The following SMAD3 variants were observed in gnomAD, a reference collection of about 807,000 sequenced individuals.
SMAD3 encodes MAD homolog 3.
SMAD3 carries 12 observed loss-of-function variants against 51.8 expected under a neutral mutation model. The ratio of observed to expected loss-of-function variants is 0.23; its 90% CI spans 0.15 to 0.38. SMAD3 has a LOEUF of 0.38. SMAD3 is among the 10% of genes least tolerant of loss of function. The pLI, the probability that SMAD3 is intolerant of heterozygous loss-of-function variation, is 1.00. For missense variants in SMAD3, 294 were observed against 565.6 expected, an observed-to-expected ratio of 0.52 and a Z score of 4.87; for synonymous variants, 238 against 227.7, an observed-to-expected ratio of 1.05 and a Z score of -0.41.
At chr15:67,125,312 A>G (rs1961358324) in intron 1 of SMAD3, among the ~76,000 whole-genome samples, 1 of 152,240 alleles carries the variant, frequency 6.6e-6, no homozygotes, top group Non-Finnish European at 1.5e-5. Flanking sequence ...CAGTGTGTGT[A>G]CGGAGAGCCT....
At chr15:67,175,249 G>A (rs374808925) in intron 5 of SMAD3, among the ~76,000 whole-genome samples, 10 of 152,324 alleles carry the variant, frequency 6.6e-5, no homozygotes, top group African/African-American at 2.4e-4. Context: ...ACCAGGGAGA[G>A]CCCTGAGGGA....
intron 1 of SMAD3, among the ~76,000 whole-genome samples, chr15:67,092,432 G>C (rs1960526806): frequency 6.6e-6 from 1 of 152,198 alleles, no homozygotes; most frequent in Non-Finnish European, 1.5e-5. Flanking sequence ...GTGTGGCCCT[G>C]GGCCAGCAGC....
At chr15:67,074,233 G>C (rs1283134390) in intron 1 of SMAD3, among the ~76,000 whole-genome samples, 3 of 152,226 alleles carry the variant, frequency 2.0e-5, no homozygotes, top group Non-Finnish European at 4.4e-5. Flanking sequence ...ATGAAGATGT[G>C]GAGGCTGTGC....
chr15:67,125,361 A>G (rs183485045), intron 1 of SMAD3, among the ~76,000 whole-genome samples: 1 of 152,306 alleles, frequency 6.6e-6, no homozygotes, highest in Admixed American at 6.5e-5. Context: ...TAGATCCACG[A>G]TCTTCTCTCT....
intron 1 of SMAD3, among the ~76,000 whole-genome samples, chr15:67,127,178 G>T (rs1211575056): frequency 2.6e-5 from 4 of 152,204 alleles, no homozygotes; most frequent in South Asian, 2.1e-4. Flanking sequence ...CCAAGCCGAG[G>T]TCGCTCCCCA....
intron 5 of SMAD3, among the ~76,000 whole-genome samples, chr15:67,175,988 C>T (rs750117782): frequency 3.9e-5 from 6 of 152,230 alleles, no homozygotes; most frequent in Admixed American, 3.9e-4. Context: ...GCTCTGTCTT[C>T]ATACTCCTGA....
intron 1 of SMAD3, chr15:67,146,021 G>C (rs1315214424): frequency 6.6e-6 from 1 of 152,214 alleles, no homozygotes; most frequent in Non-Finnish European, 1.5e-5. Context: ...TGTCCTACAG[G>C]ATTAAAGTAT....
chr15:67,183,345 AT>A (rs1326970271), intron 6 of SMAD3, among the ~76,000 whole-genome samples: 1 of 151,716 alleles, frequency 6.6e-6, no homozygotes, highest in African/African-American at 2.4e-5. Context: ...TGCCCGGCCT[AT>A]TTTTTTAAGT....
At chr15:67,180,428 T>C (rs1595955786) in intron 5 of SMAD3, among the ~76,000 whole-genome samples, 1 of 151,788 alleles carries the variant, frequency 6.6e-6, no homozygotes, top group Admixed American at 6.6e-5. Context: ...AACCAGCCCC[T>C]TGTAGAATGG....
At chr15:67,152,942 C>T (rs1475597544) in intron 1 of SMAD3, among the ~76,000 whole-genome samples, 1 of 152,180 alleles carries the variant, frequency 6.6e-6, no homozygotes, top group African/African-American at 2.4e-5. Context: ...GAGGGGCTCT[C>T]ACCACAGCCA....
intron 1 of SMAD3, among the ~76,000 whole-genome samples, chr15:67,115,509 G>A (rs1007515732): frequency 6.6e-6 from 1 of 152,150 alleles, no homozygotes; most frequent in Non-Finnish European, 1.5e-5. Flanking sequence ...GCTCAGAGCC[G>A]TGCTGGTTGC....
rs995376424 is a variant in SMAD3, at chr15:67,126,967, G to A, written c.207-37928G>A. The stretch of plus-strand genomic sequence containing the variant: ...GGACGAGGTGGGCACTCATTAGAGG[G>A]CAGCTCTTACGGCCACTGCCTGGTA... On this transcript the variant is annotated intron_variant, in intron 1 of 8. Coordinates refer to ENST00000327367, the MANE Select transcript of SMAD3 (RefSeq NM_005902.4). Among the ~76,000 whole-genome samples the A allele has an allele frequency of 1.2e-4, 19 of 152,210 alleles. 1 individual carries two copies. The highest frequency in any genetic ancestry group is 4.6e-4 in the African/African-American group (19 of 41,442).
At chr15:67,083,185 T>C (rs1595889705) in intron 1 of SMAD3, among the ~76,000 whole-genome samples, 1 of 152,366 alleles carries the variant, frequency 6.6e-6, no homozygotes, top group African/African-American at 2.4e-5. Context: ...TTTGCCTCAG[T>C]TCTGAAGTTA....
chr15:67,168,035 C>T (rs1180444156), intron 4 of SMAD3, among the ~76,000 whole-genome samples: 5 of 152,224 alleles, frequency 3.3e-5, no homozygotes, highest in African/African-American at 1.2e-4. Context: ...CTTACTGCAA[C>T]CTCTGCCTCC....
At chr15:67,150,655 T>A in intron 1 of SMAD3, among the ~76,000 whole-genome samples, 1 of 152,000 alleles carries the variant, frequency 6.6e-6, no homozygotes, top group Non-Finnish European at 1.5e-5. Context: ...TTCTGCTCTG[T>A]GGAAGAAAGT....
At chr15:67,125,576 T>G (rs1283769175) in intron 1 of SMAD3, 9 of 384,844 alleles carry the variant, frequency 2.3e-5, no homozygotes, top group Non-Finnish European at 3.2e-5. Flanking sequence ...TTGGGCCTTT[T>G]CACTTTAATA....
Position 67,181,223 on chromosome 15 carries a change from C to T in SMAD3, c.659-18C>T, listed in dbSNP as rs1283838417. On this transcript the variant is annotated intron_variant, in intron 5 of 8. Coordinates refer to ENST00000327367, the MANE Select transcript of SMAD3 (RefSeq NM_005902.4). ...CTTGGGACACCCAATGACCCAGTAG[C>T]CCACCCTGTGTCCACAGACCTGCAG... is the stretch of plus-strand genomic sequence containing the variant. 1.9e-6 allele frequency: 3 copies of T among 1,606,394 alleles called. No individual in the cohort carries two copies. The highest frequency in any genetic ancestry group is 1.7e-5 in the Admixed American group (1 of 59,886).
chr15:67,125,600 A>C (rs1961365581), intron 1 of SMAD3: 3 of 516,420 alleles, frequency 5.8e-6, no homozygotes, highest in Non-Finnish European at 7.5e-6. Context: ...TAACAGAGAC[A>C]TCTGTGATGG....
chr15:67,170,088 AG>A (rs1962705913), intron 4 of SMAD3, among the ~76,000 whole-genome samples: 1 of 152,060 alleles, frequency 6.6e-6, no homozygotes, highest in African/African-American at 2.4e-5. Flanking sequence ...GATGCTGGGG[AG>A]GCCTCAAGCC....
Sources: allele counts gnomAD v4.1 joint callset (sites outside exome capture counted in the v4.1 genomes callset), GRCh38; gene constraint gnomAD v4.1.1; transcripts MANE v1.5; gene names NCBI Gene and HGNC (gene_info 2026-07-23, HGNC 2026-07-21).